The following CSPP1 variants were observed in gnomAD, a reference collection of about 807,000 sequenced individuals.
The protein encoded by CSPP1 is centrosome and spindle pole associated protein 1, also known as centrosome and spindle pole-associated protein 1.
A neutral mutation model predicts 164.4 loss-of-function variants in CSPP1; 126 were observed. The ratio of observed to expected loss-of-function variants is 0.77; its 90% CI spans 0.66 to 0.89. The LOEUF (loss-of-function observed/expected upper bound fraction) is 0.89, where lower values mean the gene tolerates loss of function less well. Ranked by LOEUF, CSPP1 falls within the 40% of genes least tolerant of loss-of-function variation. The pLI is 0.00. For synonymous variants in CSPP1, 472 were observed against 476.7 expected, an observed-to-expected ratio of 0.99 and a Z score of 0.13; for missense variants, 1,395 against 1,449.8, an observed-to-expected ratio of 0.96 and a Z score of 0.61.
intron 5 of CSPP1, among the ~76,000 whole-genome samples, chr8:67,092,599 A>G (rs1048019586): frequency 2.0e-5 from 3 of 151,964 alleles, no homozygotes; most frequent in Admixed American, 1.3e-4. Flanking sequence ...CCCTGCCACC[A>G]AGCCCCGCTA....
At chr8:67,163,942 G>T in intron 23 of CSPP1, 144 bp downstream of exon 23, 1 of 622,516 alleles carries the variant, frequency 1.6e-6, no homozygotes. Flanking sequence ...TTCCCCTGGG[G>T]TAACATCTTA....
chr8:67,099,725 C>T (rs1813625112), intron 7 of CSPP1, among the ~76,000 whole-genome samples: 1 of 151,976 alleles, frequency 6.6e-6, no homozygotes, highest in African/African-American at 2.4e-5. Context: ...TTTAAGTGAA[C>T]TAACAGAGCT....
At chr8:67,129,166 A>T (rs1820707487) in intron 15 of CSPP1, among the ~76,000 whole-genome samples, 1 of 152,210 alleles carries the variant, frequency 6.6e-6, no homozygotes, top group Non-Finnish European at 1.5e-5. Context: ...AAATGTAATA[A>T]AATAGGTTAG....
intron 28 of CSPP1, among the ~76,000 whole-genome samples, chr8:67,188,879 G>A (rs1835417558): frequency 6.6e-6 from 1 of 152,104 alleles, no homozygotes; most frequent in Admixed American, 6.6e-5. Context: ...TGTGACCCAC[G>A]GCTTCTAATA....
At chr8:67,190,867 C>T (rs562623429) in intron 29 of CSPP1, 108 bp downstream of exon 29, 49 of 769,584 alleles carry the variant, frequency 6.4e-5, no homozygotes, top group Admixed American at 1.9e-4. Flanking sequence ...GCTTGAAATT[C>T]AGACATGGGT....
chr8:67,161,952 A>C, intron 22 of CSPP1, 37 bp downstream of exon 22: 24 of 1,345,734 alleles, frequency 1.8e-5, no homozygotes, highest in Non-Finnish European at 2.3e-5. Context: ...ATCCTAGCTC[A>C]GTTATTTTGG....
At chr8:67,096,735 C>A (rs543275424) in intron 7 of CSPP1, among the ~76,000 whole-genome samples, 20 of 151,298 alleles carry the variant, frequency 1.3e-4, no homozygotes, top group Admixed American at 1.1e-3. Context: ...CGTGGTGGGA[C>A]GTGCCTGTAA....
At chr8:67,125,331 C>A (rs1381892246) in intron 15 of CSPP1, among the ~76,000 whole-genome samples, 1 of 152,196 alleles carries the variant, frequency 6.6e-6, no homozygotes, top group East Asian at 1.9e-4. Context: ...GTTAATCTTA[C>A]TGAGGATCCC....
chr8:67,146,789 G>A (rs1387095979), intron 17 of CSPP1, among the ~76,000 whole-genome samples: 1 of 152,174 alleles, frequency 6.6e-6, no homozygotes, highest in East Asian at 1.9e-4. Flanking sequence ...AATTCACTCA[G>A]TGAGGAGCAC....
intron 28 of CSPP1, among the ~76,000 whole-genome samples, chr8:67,183,421 T>A (rs536980294): frequency 7.2e-5 from 11 of 152,194 alleles, no homozygotes; most frequent in African/African-American, 2.2e-4. Context: ...TTAACAGATG[T>A]AAAAGAAGAT....
rs1316866752 is a variant in CSPP1 at position 67,195,615 on chromosome 8, G to A, written c.*22G>A. ...TTAAAATAAACCTGTACTGGACCCA[G>A]TAGTGCCTTTTAAGGTGAAAGGAAT... On this transcript the variant is annotated 3_prime_UTR_variant, in exon 31 of 31. Transcript: ENST00000678616. The A allele has an allele frequency of 6.2e-7, 1 of 1,603,274 alleles. No homozygotes were observed. Among genetic ancestry groups the A allele is most frequent in the South Asian group, 1.1e-5 (1 of 90,796 alleles).
chr8:67,121,807 T>C (rs1013839128), intron 15 of CSPP1, among the ~76,000 whole-genome samples: 4 of 152,084 alleles, frequency 2.6e-5, no homozygotes, highest in African/African-American at 9.7e-5. Flanking sequence ...GTTGGGTGAT[T>C]ATTGATTAGA....
chr8:67,148,616 A>G lies in CSPP1; in HGVS notation c.1976-1167A>G, dbSNP rs138726831. Among the ~76,000 whole-genome samples the G allele has an allele frequency of 2.1e-3, 326 of 152,290 alleles. 2 individuals carry two copies. Among genetic ancestry groups the G allele is most frequent in the Non-Finnish European group, 3.8e-3 (256 of 68,018 alleles). ...TTGTAGCATTTATGTATTACTTGCC[A>G]TGTTCTATCTGGAATTCTAATTGTG... On this transcript the variant is annotated intron_variant, in intron 17 of 30. Coordinates refer to ENST00000678616, the MANE Select transcript of CSPP1 (RefSeq NM_001382391.1).
chr8:67,101,251 G>T (rs917540401), intron 7 of CSPP1, among the ~76,000 whole-genome samples: 1 of 152,138 alleles, frequency 6.6e-6, no homozygotes, highest in African/African-American at 2.4e-5. Flanking sequence ...CTGAAGAAAA[G>T]CAAATGTTTA....
intron 1 of CSPP1, 22 bp from the exon 2 acceptor site, chr8:67,074,221 T>C: frequency 7.1e-7 from 1 of 1,406,576 alleles, no homozygotes; most frequent in Non-Finnish European, 1.0e-6. Context: ...ATAGATACGC[T>C]CACTGAAATT....
intron 17 of CSPP1, among the ~76,000 whole-genome samples, chr8:67,140,399 T>G (rs113690238): frequency 6.3e-4 from 96 of 151,906 alleles, no homozygotes; most frequent in African/African-American, 2.1e-3. Context: ...TTAATTTTAA[T>G]AGCTCTTTTT....
chr8:67,191,588 G>C (rs1382518675), intron 29 of CSPP1, among the ~76,000 whole-genome samples: 1 of 152,282 alleles, frequency 6.6e-6, no homozygotes, highest in African/African-American at 2.4e-5. Context: ...TCATGTTGTA[G>C]CATGTGCCAG....
At chr8:67,169,424 C>T (rs1029818543) in intron 24 of CSPP1, among the ~76,000 whole-genome samples, 2 of 152,066 alleles carry the variant, frequency 1.3e-5, no homozygotes, top group Non-Finnish European at 2.9e-5. Flanking sequence ...TATTGAACTA[C>T]GTATTAGTAC....
Position 67,095,237 on chromosome 8 carries a change from TATAAG to T in CSPP1, c.484-54_484-50del, listed in dbSNP as rs1006650034. The T allele has an allele frequency of 1.4e-5, 16 of 1,142,068 alleles. No homozygotes were observed. The African/African-American group carries it at 2.3e-4, about 17-fold the overall frequency. The allele number at this position is 1,142,068 out of a possible 1,614,324, so 70.7% of individuals were successfully genotyped here. On this transcript the variant is annotated intron_variant, in intron 6 of 30. Transcript: ENST00000678616. ...GTATAAATTGAGGGTTTAATTACCT[TATAAG>T]AGATAGTTTCTTGTCAAGTTTTGTT...
Sources: gnomAD v4.1 joint callset for allele counts (sites outside exome capture counted in the v4.1 genomes callset) on GRCh38, gnomAD v4.1.1 for gene constraint, MANE v1.5 for transcripts, NCBI Gene and HGNC (gene_info 2026-07-23, HGNC 2026-07-21) for gene names.